The following DCDC1 variants were observed in gnomAD, a reference collection of about 807,000 sequenced individuals.
The protein encoded by DCDC1 is doublecortin domain-containing protein 1.
In DCDC1, 200 loss-of-function variants were observed where a neutral mutation model predicts 178.3. That is an observed-to-expected ratio of 1.12 (90% confidence interval 1.00 to 1.26). DCDC1 has a LOEUF of 1.26. Among genes scored for constraint, DCDC1 ranks in the 50% most tolerant of loss-of-function variants. DCDC1 has a pLI of 0.00. For synonymous variants in DCDC1, 690 were observed against 604.8 expected (o/e 1.14, Z -2.07); for missense variants, 1,983 against 1,749.2 (o/e 1.13, Z -2.38).
intron 7 of DCDC1, among the ~76,000 whole-genome samples, chr11:31,271,637 T>A (rs1457280800): frequency 6.6e-6 from 1 of 152,220 alleles, no homozygotes; most frequent in Non-Finnish European, 1.5e-5. Flanking sequence ...AAAGGACATT[T>A]TAAAATTCTT....
chr11:31,141,191 A>G (rs1468508041), intron 9 of DCDC1, among the ~76,000 whole-genome samples: 1 of 152,222 alleles, frequency 6.6e-6, no homozygotes, highest in Non-Finnish European at 1.5e-5. Flanking sequence ...AGATTGTGTA[A>G]AAATTTTAAC....
intron 20 of DCDC1, among the ~76,000 whole-genome samples, chr11:31,033,911 A>C (rs1216265538): frequency 7.3e-6 from 1 of 137,678 alleles, no homozygotes; most frequent in Non-Finnish European, 1.5e-5. Flanking sequence ...GTGGGAGGCC[A>C]AGGCAGGCAG....
rs2134025095 is a variant in DCDC1 at position 30,888,483 on chromosome 11, C to T, written c.5082+4335G>A. 1.3e-5 allele frequency among the ~76,000 whole-genome samples: 2 copies of T among 152,246 alleles called. 1 individual carries two copies. Among genetic ancestry groups the T allele is most frequent in the South Asian group, 4.2e-4 (2 of 4,816 alleles). ...CTGTAATCCCAGCACTTTGGGAGGC[C>T]GAGGCAGGTGGATCACCTGAGGTCG... On this transcript the variant is annotated intron_variant, in intron 36 of 38. Transcript: ENST00000684477.
At chr11:31,086,517 A>G (rs1234280004) in intron 17 of DCDC1, among the ~76,000 whole-genome samples, 1 of 152,010 alleles carries the variant, frequency 6.6e-6, no homozygotes, top group Non-Finnish European at 1.5e-5. Context: ...CTCTTCATTC[A>G]CTGTCTTTCA....
At chr11:31,173,797 T>A (rs906502677) in intron 9 of DCDC1, among the ~76,000 whole-genome samples, 4 of 152,178 alleles carry the variant, frequency 2.6e-5, no homozygotes, top group Middle Eastern at 3.4e-3. Flanking sequence ...GACATCTTTT[T>A]TGGGTGACAA....
chr11:31,076,001 A>G (rs772847705), intron 18 of DCDC1, among the ~76,000 whole-genome samples: 14 of 152,256 alleles, frequency 9.2e-5, no homozygotes, highest in Middle Eastern at 6.8e-3. Flanking sequence ...CTGGGATTAC[A>G]GGCATGTACC....
intron 8 of DCDC1, among the ~76,000 whole-genome samples, chr11:31,243,977 A>C (rs760251604): frequency 1.3e-5 from 2 of 151,738 alleles, no homozygotes; most frequent in Non-Finnish European, 3.0e-5. Flanking sequence ...TAGAAGCTGC[A>C]AACTAGTAAC....
At chr11:31,292,322 T>C (rs953284586) in intron 6 of DCDC1, among the ~76,000 whole-genome samples, 1 of 152,150 alleles carries the variant, frequency 6.6e-6, no homozygotes, top group East Asian at 1.9e-4. Flanking sequence ...CACATGTTCA[T>C]AGCAGCACTA....
chr11:31,364,797 G>T (rs551262345), intron 1 of DCDC1, among the ~76,000 whole-genome samples: 6 of 151,232 alleles, frequency 4.0e-5, no homozygotes, highest in Admixed American at 2.6e-4. Flanking sequence ...ATTCATTAGA[G>T]CTGATTCTCA....
chr11:31,075,321 T>C (rs1373419622), intron 18 of DCDC1, among the ~76,000 whole-genome samples: 1 of 152,240 alleles, frequency 6.6e-6, no homozygotes, highest in Non-Finnish European at 1.5e-5. Context: ...ATTCCCTATC[T>C]TTGCTATTGT....
intron 9 of DCDC1, among the ~76,000 whole-genome samples, chr11:31,218,115 G>GA (rs909654659): frequency 1.5e-3 from 212 of 142,780 alleles, no homozygotes; most frequent in Non-Finnish European, 1.1e-3. Context: ...TTTGCTTTAA[G>GA]AAAAAAAAAA....
chr11:31,279,625 C>G (rs1012678541), intron 7 of DCDC1, among the ~76,000 whole-genome samples: 26 of 152,052 alleles, frequency 1.7e-4, no homozygotes, highest in Non-Finnish European at 3.5e-4. Flanking sequence ...TCTCAGAAAA[C>G]TAACACAAGA....
intron 9 of DCDC1, among the ~76,000 whole-genome samples, chr11:31,214,406 T>C (rs949496351): frequency 6.6e-6 from 1 of 152,206 alleles, no homozygotes; most frequent in Admixed American, 6.5e-5. Context: ...TTTAAACTAA[T>C]GGTAGAATTT....
intron 20 of DCDC1, among the ~76,000 whole-genome samples, chr11:31,043,065 T>C (rs1252085386): frequency 6.6e-6 from 1 of 152,152 alleles, no homozygotes; most frequent in African/African-American, 2.4e-5. Context: ...GTATAGCCTA[T>C]TTCTCCTAGG....
chr11:31,056,712 C>G (rs550727816), intron 20 of DCDC1, among the ~76,000 whole-genome samples: 1 of 151,938 alleles, frequency 6.6e-6, no homozygotes, highest in East Asian at 1.9e-4. Context: ...TAGAAAAATC[C>G]ACAATTTAGT....
At chr11:30,968,052 A>C (rs1027258305) in intron 20 of DCDC1, among the ~76,000 whole-genome samples, 3 of 152,134 alleles carry the variant, frequency 2.0e-5, no homozygotes, top group Non-Finnish European at 4.4e-5. Flanking sequence ...CATTTTCACC[A>C]CCTACATTTA....
At chr11:31,155,389 G>C (rs542212803) in intron 9 of DCDC1, among the ~76,000 whole-genome samples, 2 of 152,294 alleles carry the variant, frequency 1.3e-5, no homozygotes, top group Admixed American at 6.5e-5. Context: ...AGTACTGTAG[G>C]GGGGAAGAGT....
chr11:31,031,929 T>G (rs1953680449), intron 20 of DCDC1, among the ~76,000 whole-genome samples: 1 of 152,158 alleles, frequency 6.6e-6, no homozygotes, highest in African/African-American at 2.4e-5. Flanking sequence ...ACCGAGACAT[T>G]TTAATATGTT....
chr11:31,293,037 T>A (rs991101362), intron 6 of DCDC1, among the ~76,000 whole-genome samples: 1 of 152,088 alleles, frequency 6.6e-6, no homozygotes, highest in African/African-American at 2.4e-5. Context: ...CTCCCTGAAT[T>A]TCAGATTTCT....
Sources: gnomAD v4.1 joint callset for allele counts (sites outside exome capture counted in the v4.1 genomes callset) on GRCh38, gnomAD v4.1.1 for gene constraint, MANE v1.5 for transcripts, NCBI Gene and HGNC (gene_info 2026-07-23, HGNC 2026-07-21) for gene names.